The following COTL1 variants were observed in gnomAD, a reference collection of about 807,000 sequenced individuals.
COTL1 encodes the protein coactosin like F-actin binding protein 1.
Under a neutral mutation model 16.5 loss-of-function variants are expected in COTL1, and 15 were observed. The ratio of observed to expected loss-of-function variants is 0.91; its 90% CI spans 0.61 to 1.40. The LOEUF is 1.40. Among genes scored for constraint, COTL1 ranks in the 40% most tolerant of loss-of-function variants. The pLI, the probability that COTL1 is intolerant of heterozygous loss-of-function variation, is 0.00. For missense variants in COTL1, 220 were observed against 201.5 expected (o/e 1.09, Z -0.56); for synonymous variants, 112 against 85.3 (o/e 1.31, Z -1.73).
Position 84,566,828 on chromosome 16 carries a change from T to A in COTL1, c.*17A>T. The A allele has an allele frequency of 6.4e-7, 1 of 1,562,384 alleles. No individual in the cohort carries two copies. Among genetic ancestry groups the A allele is most frequent in the Non-Finnish European group, 8.8e-7 (1 of 1,137,128 alleles). On this transcript the variant is annotated 3_prime_UTR_variant, in exon 4 of 4. Transcript: ENST00000262428. The stretch of plus-strand genomic sequence containing the variant: ...GGCAGATGACTTTGGCAAGGGGTGG[T>A]GTGGCGGGGGCTGGGGTTACTCCGT...
intron 3 of COTL1, among the ~76,000 whole-genome samples, chr16:84,579,325 T>C (rs1555522228): frequency 6.6e-6 from 1 of 152,138 alleles, no homozygotes; most frequent in Non-Finnish European, 1.5e-5. Flanking sequence ...GGCATCTCTA[T>C]TAAAAATACC....
At chr16:84,571,307 G>A (rs751939657) in intron 3 of COTL1, among the ~76,000 whole-genome samples, 6 of 152,192 alleles carry the variant, frequency 3.9e-5, no homozygotes, top group African/African-American at 9.7e-5. Flanking sequence ...ATGGACGGAG[G>A]ACACTGGAGG....
Position 84,590,394 on chromosome 16 carries a change from C to G in COTL1, c.161-132G>C. ...GGAGACCGGTGCAGTTCCCTGGGAG[C>G]ACCATGTGCAGAGGACAGGAGGGAA... On this transcript the variant is annotated intron_variant, in intron 2 of 3. Transcript: ENST00000262428. The surrounding 1 kb of genome is among the most constrained non-coding windows in gnomAD (Gnocchi z 5.5). 1 of 1,000,522 alleles carries G rather than the reference C, an allele frequency of 1.0e-6. No homozygotes were observed. Among genetic ancestry groups the G allele is most frequent in the South Asian group, 1.6e-5 (1 of 61,616 alleles). 62.0% of individuals were successfully genotyped at this position (1,000,522 alleles called of 1,614,324 possible).
chr16:84,574,041 G>T (rs1022376000), intron 3 of COTL1, among the ~76,000 whole-genome samples: 3 of 152,074 alleles, frequency 2.0e-5, no homozygotes, highest in Non-Finnish European at 2.9e-5. Context: ...GGTGGTGTGC[G>T]CCTGTTGTCC....
intron 2 of COTL1, among the ~76,000 whole-genome samples, chr16:84,599,759 C>A (rs542785936): frequency 1.3e-5 from 2 of 152,186 alleles, no homozygotes; most frequent in South Asian, 2.1e-4. Context: ...AAACACGGCT[C>A]AGGAAGGGAA....
rs1904831052 is a variant in COTL1, at chr16:84,590,272, A to G, written c.161-10T>C. The G allele has an allele frequency of 1.2e-6, 2 of 1,613,212 alleles. No individual in the cohort carries two copies. The highest frequency in any genetic ancestry group is 4.5e-5 in the East Asian group (2 of 44,858). On this transcript the variant is annotated splice_polypyrimidine_tract_variant and intron_variant, in intron 2 of 3. Transcript: ENST00000262428. The surrounding 1 kb of genome is among the most constrained non-coding windows in gnomAD (Gnocchi z 5.5). ...AACAACCGGACGTCATCTGTGGCCAAAAGCGAAAAGAGAACATGGTGCTGC... is the reference window on the plus strand; with the variant it reads ...AACAACCGGACGTCATCTGTGGCCAGAAGCGAAAAGAGAACATGGTGCTGC...
chr16:84,607,335 A>T (rs1452375742), intron 2 of COTL1, among the ~76,000 whole-genome samples: 2 of 152,104 alleles, frequency 1.3e-5, no homozygotes, highest in African/African-American at 4.8e-5. Context: ...GCGGGAAGGC[A>T]GGCCAGCGCG....
chr16:84,575,041 T>C (rs1197580194), intron 3 of COTL1, among the ~76,000 whole-genome samples: 2 of 152,164 alleles, frequency 1.3e-5, no homozygotes, highest in Non-Finnish European at 2.9e-5. Flanking sequence ...TCTCATTTAT[T>C]TATTTATCTT....
At chr16:84,598,655 C>A (rs1441593938) in intron 2 of COTL1, among the ~76,000 whole-genome samples, 17 of 45,304 alleles carry the variant, frequency 3.8e-4, no homozygotes, top group African/African-American at 5.9e-4. Flanking sequence ...TTCTCCCCCC[C>A]AACCCCCCCC....
chr16:84,615,853 T>TGTG (rs1905463717), intron 2 of COTL1, among the ~76,000 whole-genome samples: 1 of 149,702 alleles, frequency 6.7e-6, no homozygotes, highest in South Asian at 2.1e-4. Flanking sequence ...AATTTTAGTT[T>TGTG]TGTGTGTGTG....
intron 2 of COTL1, among the ~76,000 whole-genome samples, chr16:84,613,543 C>T (rs986184485): frequency 3.3e-5 from 5 of 152,056 alleles, no homozygotes; most frequent in Non-Finnish European, 7.4e-5. Context: ...ACTAGAAAGC[C>T]AAGCAGACAG....
At chr16:84,608,814 G>A (rs1197793473) in intron 2 of COTL1, among the ~76,000 whole-genome samples, 1 of 152,186 alleles carries the variant, frequency 6.6e-6, no homozygotes, top group Non-Finnish European at 1.5e-5. Context: ...GCTGAGGTAG[G>A]AGAATCGCCT....
chr16:84,607,409 T>TGCA (rs1292216232), intron 2 of COTL1, among the ~76,000 whole-genome samples: 1 of 152,072 alleles, frequency 6.6e-6, no homozygotes, highest in Non-Finnish European at 1.5e-5. Flanking sequence ...TCTTCCCAAC[T>TGCA]GCAGCATCTC....
chr16:84,615,513 T>C (rs998886109), intron 2 of COTL1, among the ~76,000 whole-genome samples: 1 of 152,004 alleles, frequency 6.6e-6, no homozygotes, highest in Non-Finnish European at 1.5e-5. Flanking sequence ...AGAACATGGT[T>C]TGATGGGGGA....
intron 2 of COTL1, chr16:84,595,768 G>A (rs2925063): frequency 0.22 from 33,477 of 151,936 alleles, 4,090 homozygotes; most frequent in Non-Finnish European, 0.29. Context: ...ACATATATTT[G>A]TGTGTATAAT....
At chr16:84,614,596 G>A (rs967522861) in intron 2 of COTL1, among the ~76,000 whole-genome samples, 1 of 152,106 alleles carries the variant, frequency 6.6e-6, no homozygotes, top group African/African-American at 2.4e-5. Context: ...GTTGGGAGAA[G>A]AGCAGGACCC....
At position 84,566,862 on chromosome 16, in the gene COTL1, C is replaced by T. The variant is rs765593536; in HGVS notation, c.412G>A (p.Asp138Asn). 6 of 1,612,812 alleles carry T rather than the reference C, an allele frequency of 3.7e-6. No individual in the cohort carries two copies. The highest frequency in any genetic ancestry group is 2.2e-5 in the East Asian group (1 of 44,848). The change falls in exon 4 of 4, where the codon GAC becomes AAC. Residue 138 changes from aspartate (D) to asparagine (N), a missense_variant. Transcript: ENST00000262428. Reference protein sequence around the residue: ...ELKKAGGANYDAQTE With the variant: ...ELKKAGGANYNAQTE ...GGCTGGGGTTACTCCGTCTGGGCGTCGTAATTGGCTCCCCCCGCCTTCTTC... is the reference window on the plus strand; with the variant it reads ...GGCTGGGGTTACTCCGTCTGGGCGTTGTAATTGGCTCCCCCCGCCTTCTTC...
intron 2 of COTL1, among the ~76,000 whole-genome samples, chr16:84,612,950 T>G (rs893987080): frequency 2.0e-5 from 3 of 151,178 alleles, no homozygotes; most frequent in Non-Finnish European, 2.9e-5. Context: ...ACACAATGAG[T>G]GAGAAGCAGA....
chr16:84,591,634 T>TAAAAAAAAAAAAA, intron 2 of COTL1, among the ~76,000 whole-genome samples: 1 of 75,188 alleles, frequency 1.3e-5, no homozygotes, highest in African/African-American at 5.0e-5. Context: ...ATCACCTCTC[T>TAAAAAAAAAAAAA]AAAAAAAAAA....
Sources: allele counts gnomAD v4.1 joint callset (sites outside exome capture counted in the v4.1 genomes callset), GRCh38; gene constraint gnomAD v4.1.1; non-coding constraint Gnocchi (gnomAD v3.1); transcripts MANE v1.5; gene names NCBI Gene and HGNC (gene_info 2026-07-23, HGNC 2026-07-21).